Variants in GABBR2 observed in about 807,000 individuals in gnomAD.
GABBR2 encodes the protein gamma-aminobutyric acid type B receptor subunit 2.
A neutral mutation model predicts 105.6 loss-of-function variants in GABBR2; 23 were observed. That is an observed-to-expected ratio of 0.22 (90% CI 0.16 to 0.31). The LOEUF (loss-of-function observed/expected upper bound fraction) is 0.31, where lower values mean the gene tolerates loss of function less well. Among genes scored for constraint, GABBR2 ranks in the 10% least tolerant of loss-of-function variants. The pLI is 1.00. For missense variants in GABBR2, 734 were observed against 1,245.5 expected (o/e 0.59, Z 6.18); for synonymous variants, 478 against 499.7 (o/e 0.96, Z 0.58).
At chr9:98,319,667 G>A (rs1260846714) in intron 13 of GABBR2, among the ~76,000 whole-genome samples, 1 of 152,054 alleles carries the variant, frequency 6.6e-6, no homozygotes, top group African/African-American at 2.4e-5. Flanking sequence ...TGACAGCCCT[G>A]ATCTCCCTCC....
In GABBR2 at chr9:98,488,774, A is replaced by ACGCAGGAATCTTTC. The variant is rs1554710886; in HGVS notation, c.732+7638_732+7639insGAAAGATTCCTGCG. The stretch of plus-strand genomic sequence containing the variant: ...AGTAACCTTGGAATGTTGAGAGGCT[A>ACGCAGGAATCTTTC]TGCTGACTGAGGAGTGTGGGTGGAC... On this transcript the variant is annotated intron_variant, in intron 4 of 18. Coordinates refer to ENST00000259455, the MANE Select transcript of GABBR2 (RefSeq NM_005458.8). Among the ~76,000 whole-genome samples the ACGCAGGAATCTTTC allele has an allele frequency of 3.6e-3, 551 of 152,026 alleles. 3 individuals carry two copies. The highest frequency in any genetic ancestry group is 0.012 in the African/African-American group (494 of 41,434).
At chr9:98,460,072 T>C (rs1039820104) in intron 6 of GABBR2, among the ~76,000 whole-genome samples, 3 of 152,220 alleles carry the variant, frequency 2.0e-5, no homozygotes, top group African/African-American at 7.2e-5. Flanking sequence ...AACAAATTCA[T>C]AGGTGATCCA....
At chr9:98,438,358 A>C (rs1255008324) in intron 7 of GABBR2, among the ~76,000 whole-genome samples, 3 of 151,750 alleles carry the variant, frequency 2.0e-5, no homozygotes, top group African/African-American at 4.8e-5. Context: ...CCATCTGCCC[A>C]TACATTCAAC....
rs1341788416 is a variant in GABBR2 at position 98,289,150 on chromosome 9, T to TGAAG, written c.*1430_*1433dup. 2 of 152,680 alleles carry TGAAG rather than the reference T, an allele frequency of 1.3e-5. No homozygotes were observed. The highest frequency in any genetic ancestry group is 1.3e-4 in the Admixed American group (2 of 15,282). The allele number at this position is 152,680 out of a possible 1,614,324, so 9.5% of individuals were successfully genotyped here. A position where few individuals can be genotyped will look rare whatever the true frequency, so the allele number is the denominator to read the frequency against. Reference sequence around the variant, plus strand: ...CCACACCCCCGGCTGTAGGGAGGGCTGAAGGTCAGAGTCATACTCATACCT... The same window carrying TGAAG: ...CCACACCCCCGGCTGTAGGGAGGGCTGAAGGAAGGTCAGAGTCATACTCATACCT... On this transcript the variant is annotated 3_prime_UTR_variant, in exon 19 of 19. Transcript: ENST00000259455.
At chr9:98,305,573 GGGAGGCCAAGGCC>G (rs1266527649) in intron 15 of GABBR2, among the ~76,000 whole-genome samples, 1 of 152,220 alleles carries the variant, frequency 6.6e-6, no homozygotes, top group East Asian at 1.9e-4. Context: ...TCAGCACTTT[GGGAGGCCAAGGCC>G]GGAGGATCGC....
intron 13 of GABBR2, among the ~76,000 whole-genome samples, chr9:98,320,511 A>G (rs1287251420): frequency 1.3e-5 from 2 of 152,226 alleles, no homozygotes; most frequent in African/African-American, 2.4e-5. Flanking sequence ...TCATGCTGCT[A>G]GAAAGACACA....
chr9:98,483,322 T>C (rs1826972745), intron 4 of GABBR2, among the ~76,000 whole-genome samples: 1 of 152,142 alleles, frequency 6.6e-6, no homozygotes, highest in Admixed American at 6.5e-5. Flanking sequence ...CCATCATTCC[T>C]TACTCAGTGA....
intron 8 of GABBR2, among the ~76,000 whole-genome samples, chr9:98,400,234 G>A (rs1258792276): frequency 6.6e-6 from 1 of 150,622 alleles, no homozygotes; most frequent in African/African-American, 2.4e-5. Context: ...AAAGATCAAA[G>A]GATCAGAACA....
chr9:98,290,621 A>G lies in GABBR2; in HGVS notation c.2789T>C (p.Val930Ala), dbSNP rs1249505305. The G allele has an allele frequency of 1.4e-6, 2 of 1,440,368 alleles. No homozygotes were observed. The highest frequency in any genetic ancestry group is 1.5e-5 in the African/African-American group (1 of 67,166). 89.2% of individuals were successfully genotyped at this position (1,440,368 alleles called of 1,614,324 possible). The change falls in exon 19 of 19, where the codon GTG becomes GCG. Residue 930 changes from valine (V) to alanine (A), a missense_variant. Around this residue, in one of 7 missense-constraint regions of GABBR2, gnomAD observed 134 missense variants for 171.2 expected, o/e 0.78. Transcript: ENST00000259455. ...SPTASPRHRHVPPSFRVMVSG... is the reference protein window; with the variant it reads ...SPTASPRHRHAPPSFRVMVSG... ...GACCATGACTCGGAAGGAGGGTGGC[A>G]CATGTCTGTGGCGGGGGCTGGCGGT...
intron 1 of GABBR2, among the ~76,000 whole-genome samples, chr9:98,641,067 T>A (rs533073406): frequency 5.1e-4 from 78 of 152,078 alleles, no homozygotes; most frequent in African/African-American, 1.9e-3. Context: ...TCCACCCCTA[T>A]TGAGGCACTT....
chr9:98,586,188 G>A (rs749997969), intron 1 of GABBR2, among the ~76,000 whole-genome samples: 1 of 151,916 alleles, frequency 6.6e-6, no homozygotes, highest in East Asian at 1.9e-4. Flanking sequence ...CTATGTTGAA[G>A]ACCTCTGCGC....
chr9:98,677,936 G>GT (rs546988052), intron 1 of GABBR2, among the ~76,000 whole-genome samples: 19 of 151,944 alleles, frequency 1.3e-4, no homozygotes, highest in East Asian at 5.8e-4. Context: ...CTTTGTTTTT[G>GT]TTTTTTTTCC....
intron 3 of GABBR2, among the ~76,000 whole-genome samples, chr9:98,523,602 C>G (rs952228598): frequency 1.3e-5 from 2 of 152,186 alleles, no homozygotes; most frequent in African/African-American, 2.4e-5. Context: ...AAAAAGCCAA[C>G]AGAAGTTCTA....
intron 2 of GABBR2, among the ~76,000 whole-genome samples, chr9:98,566,157 TG>T (rs1413385914): frequency 6.6e-6 from 1 of 152,214 alleles, no homozygotes; most frequent in East Asian, 1.9e-4. Flanking sequence ...GGGACTTTCC[TG>T]GTTTGAATAC....
At chr9:98,566,590 A>G (rs1222105190) in intron 2 of GABBR2, among the ~76,000 whole-genome samples, 1 of 152,034 alleles carries the variant, frequency 6.6e-6, no homozygotes, top group Non-Finnish European at 1.5e-5. Context: ...CAGGAGAATC[A>G]TTTGAACCCA....
rs146096243 is a variant in GABBR2 at position 98,427,792 on chromosome 9, C to T, written c.1237-21651G>A. ...ACTCATGCTGGTGAAAGCCAGCCAC[C>T]GTATCATGAAGACACTCAAGCAGCC... On this transcript the variant is annotated intron_variant, in intron 7 of 18. Transcript: ENST00000259455. Among the ~76,000 whole-genome samples, 4 of 53,658 alleles carry T rather than the reference C, an allele frequency of 7.5e-5. No homozygotes were observed. The Admixed American group carries it at 8.7e-4, about 12-fold the overall frequency. The allele number at this position is 53,658 out of a possible 152,430, so 35.2% of individuals were successfully genotyped here.
At chr9:98,364,372 C>T (rs1831639970) in intron 12 of GABBR2, among the ~76,000 whole-genome samples, 1 of 152,144 alleles carries the variant, frequency 6.6e-6, no homozygotes, top group Admixed American at 6.5e-5. Context: ...AGGCATTTGT[C>T]CAGCTATTCC....
chr9:98,646,409 T>C (rs1003769009), intron 1 of GABBR2, among the ~76,000 whole-genome samples: 1 of 152,144 alleles, frequency 6.6e-6, no homozygotes, highest in African/African-American at 2.4e-5. Context: ...CCTATGTGAC[T>C]CCACCGGGAG....
At chr9:98,648,080 G>GGTAT (rs1554723462) in intron 1 of GABBR2, among the ~76,000 whole-genome samples, 4 of 67,978 alleles carry the variant, frequency 5.9e-5, no homozygotes, top group African/African-American at 1.9e-4. Flanking sequence ...AATCATACAG[G>GGTAT]GTGTGTGTGT....
Sources: allele counts gnomAD v4.1 joint callset (sites outside exome capture counted in the v4.1 genomes callset), GRCh38; gene constraint gnomAD v4.1.1; regional missense constraint gnomAD v4.1.1; transcripts MANE v1.5; gene names NCBI Gene and HGNC (gene_info 2026-07-23, HGNC 2026-07-21).